The following LAIR2 variants were observed in gnomAD, a reference collection of about 807,000 sequenced individuals.
LAIR2 encodes leukocyte-associated immunoglobulin-like receptor 2.
Under a neutral mutation model 14.8 loss-of-function variants are expected in LAIR2, and 14 were observed. The observed-to-expected ratio is 0.95, with a 90% CI of 0.62 to 1.48. The LOEUF is 1.48. Ranked by LOEUF, LAIR2 falls within the 40% of genes most tolerant of loss-of-function variation. The pLI, the probability that LAIR2 is intolerant of heterozygous loss-of-function variation, is 0.00. For synonymous variants in LAIR2, 75 were observed against 74.5 expected, an observed-to-expected ratio of 1.01 and a Z score of -0.03; for missense variants, 172 against 180.9, an observed-to-expected ratio of 0.95 and a Z score of 0.28.
At position 54,502,953 on chromosome 19, in the gene LAIR2, G is replaced by A. The variant is rs756489090; in HGVS notation, c.34+1G>A. 2 of 1,613,622 alleles carry A rather than the reference G, an allele frequency of 1.2e-6. No individual in the cohort carries two copies. The highest frequency in any genetic ancestry group is 1.7e-6 in the Non-Finnish European group (2 of 1,179,768). ...CACCTCACTGCTCTCCTGGGCCTAG[G>A]TGAGTCCTGGAGGGAGCGGGAAGGA... On this transcript the variant is annotated splice_donor_variant, in intron 1 of 4. Coordinates refer to ENST00000301202, the MANE Select transcript of LAIR2 (RefSeq NM_002288.6). LOFTEE classifies it high-confidence loss of function.
intron 2 of LAIR2, among the ~76,000 whole-genome samples, chr19:54,504,601 G>A (rs2085330723): frequency 6.6e-6 from 1 of 151,898 alleles, no homozygotes; most frequent in African/African-American, 2.4e-5. Flanking sequence ...TCTGTGAGAT[G>A]ACCTTTTTTG....
In LAIR2 at chr19:54,502,909, G is replaced by C. The variant is rs2085300011; in HGVS notation, c.-10G>C. 1.2e-6 allele frequency: 2 copies of C among 1,613,970 alleles called. No individual in the cohort carries two copies. The highest frequency in any genetic ancestry group is 1.7e-5 in the Admixed American group (1 of 60,006). Reference sequence around the variant, plus strand: ...GCTTGTGTCTGCTGCAGAGTTCTGGGACCGGGGCCATGTCTCCACACCTCA... The same window carrying C: ...GCTTGTGTCTGCTGCAGAGTTCTGGCACCGGGGCCATGTCTCCACACCTCA... On this transcript the variant is annotated 5_prime_UTR_variant, in exon 1 of 5. Transcript: ENST00000301202.
chr19:54,510,584 C>G lies in LAIR2; in HGVS notation c.*15C>G, dbSNP rs1289703827. On this transcript the variant is annotated 3_prime_UTR_variant, in exon 5 of 5. Transcript: ENST00000301202. ...ATGCACCATGAATGAGGAGAAATGG[C>G]CTCCCGTCTTGTGAACTTCAATGGG... 2.5e-6 allele frequency: 4 copies of G among 1,613,624 alleles called. No individual in the cohort carries two copies. Among genetic ancestry groups the G allele is most frequent in the Non-Finnish European group, 3.4e-6 (4 of 1,179,678 alleles).
At chr19:54,504,329 G>A (rs1349922215) in intron 2 of LAIR2, among the ~76,000 whole-genome samples, 2 of 152,060 alleles carry the variant, frequency 1.3e-5, no homozygotes, top group Admixed American at 6.6e-5. Context: ...ATGTTACAAC[G>A]TATGTAAACA....
chr19:54,507,381 C>G (rs960633009), intron 2 of LAIR2, among the ~76,000 whole-genome samples: 1 of 151,818 alleles, frequency 6.6e-6, no homozygotes, highest in African/African-American at 2.4e-5. Context: ...GGGGCTTCAC[C>G]CTCACCCCAC....
At position 54,510,512 on chromosome 19, in the gene LAIR2, T is replaced by C. The variant is rs373222552; in HGVS notation, c.416-14T>C. 120 of 1,608,076 alleles carry C rather than the reference T, an allele frequency of 7.5e-5. No homozygotes were observed. The highest frequency in any genetic ancestry group is 5.0e-5 in the Admixed American group (3 of 59,956). ...TGCTCCTATTAATACTGAGGAAGTA[T>C]TTTGTCCTCACAGGGACTGTGCCAG... On this transcript the variant is annotated splice_polypyrimidine_tract_variant and intron_variant, in intron 4 of 4. Coordinates refer to ENST00000301202, the MANE Select transcript of LAIR2 (RefSeq NM_002288.6).
intron 1 of LAIR2, among the ~76,000 whole-genome samples, 184 bp from the exon 2 acceptor site, chr19:54,503,516 T>C (rs2085312354): frequency 6.6e-6 from 1 of 152,180 alleles, no homozygotes; most frequent in African/African-American, 2.4e-5. Context: ...GAGGAGACTT[T>C]GGGATTTATC....
intron 2 of LAIR2, among the ~76,000 whole-genome samples, chr19:54,505,821 A>AT (rs11311344): frequency 0.19 from 26,276 of 134,910 alleles, 2,782 homozygotes; most frequent in Non-Finnish European, 0.25. Context: ...TCACATGCTG[A>AT]TTTTTTTTTT....
In LAIR2 at chr19:54,502,867, G is replaced by A; in HGVS notation, c.-52G>A. ...AAGCCCCACGGGCAGGAGGCCCCCG[G>A]CCAGCACATCCTGTCTGCTTGTGTC... is the stretch of plus-strand genomic sequence containing the variant. On this transcript the variant is annotated 5_prime_UTR_variant, in exon 1 of 5. Transcript: ENST00000301202. 3 of 1,612,716 alleles carry A rather than the reference G, an allele frequency of 1.9e-6. No individual in the cohort carries two copies. The highest frequency in any genetic ancestry group is 2.5e-6 in the Non-Finnish European group (3 of 1,178,686).
intron 2 of LAIR2, among the ~76,000 whole-genome samples, chr19:54,506,221 C>A (rs570449262): frequency 6.6e-6 from 1 of 152,090 alleles, no homozygotes; most frequent in Non-Finnish European, 1.5e-5. Flanking sequence ...CTGCACACAG[C>A]GAGGAATGGC....
Position 54,508,003 on chromosome 19 carries a change from G to A in LAIR2, c.183G>A (p.Glu61=). ...GPVGVQTFRL[E]REDRAKYKDS... ...TTGGGGTTCAAACATTCCGCCTGGA[G>A]AGGGAGGATAGAGCCAAGTACAAAG... The change falls in exon 3 of 5, where the codon GAG becomes GAA. Residue 61 remains glutamate, a synonymous_variant. Coordinates refer to ENST00000301202, the MANE Select transcript of LAIR2 (RefSeq NM_002288.6). 6.2e-7 allele frequency: 1 copy of A among 1,614,222 alleles called. No individual in the cohort carries two copies. Among genetic ancestry groups the A allele is most frequent in the Non-Finnish European group, 8.5e-7 (1 of 1,180,044 alleles).
Position 54,508,160 on chromosome 19 carries a change from G to T in LAIR2, c.340G>T (p.Asp114Tyr). 1.2e-6 allele frequency: 2 copies of T among 1,613,102 alleles called. No homozygotes were observed. Among genetic ancestry groups the T allele is most frequent in the Non-Finnish European group, 1.7e-6 (2 of 1,179,700 alleles). ...GCCCCCTGGATGGTCTGAGCACAGT[G>T]ACTTCCTGGAGCTGCTGGTGAAAGG... is the stretch of plus-strand genomic sequence containing the variant. ...YKPPGWSEHS[D>Y]FLELLVKESS... Residue 114 changes from aspartate to tyrosine, a missense_variant, in exon 3 of 5, where the codon GAC becomes TAC. Transcript: ENST00000301202.
At chr19:54,508,231 A>C (rs1430437664) in intron 3 of LAIR2, 47 bp downstream of exon 3, 1 of 1,566,272 alleles carries the variant, frequency 6.4e-7, no homozygotes, top group East Asian at 2.2e-5. Context: ...TCGACCCTCG[A>C]GCTTGTCCCG....
Position 54,507,870 on chromosome 19 carries a change from CCTT to C in LAIR2, c.71-17_71-15del. 6.2e-7 allele frequency: 1 copy of C among 1,605,884 alleles called. No homozygotes were observed. Among genetic ancestry groups the C allele is most frequent in the South Asian group, 1.1e-5 (1 of 90,430 alleles). On this transcript the variant is annotated intron_variant, in intron 2 of 4. Transcript: ENST00000301202. ...GACTTCCTACAGTGGACGCTGAGAT[CCTT>C]CTTTGCTTCCCTCTTAGGGGCCCTT... is the stretch of plus-strand genomic sequence containing the variant.
intron 2 of LAIR2, among the ~76,000 whole-genome samples, chr19:54,505,932 C>T (rs764548024): frequency 4.6e-5 from 7 of 151,806 alleles, no homozygotes; most frequent in Non-Finnish European, 1.0e-4. Flanking sequence ...AGCAATTCTC[C>T]CTGCCTCAAC....
chr19:54,504,206 C>T lies in LAIR2; in HGVS notation c.70+471C>T, dbSNP rs1412657465. On this transcript the variant is annotated intron_variant, in intron 2 of 4. Coordinates refer to ENST00000301202, the MANE Select transcript of LAIR2 (RefSeq NM_002288.6). ...GTCTCGAACTCCTTACCTTATGATC[C>T]GCCCGCCTCAGCCTCCCACAGTGCT... 9.2e-5 allele frequency among the ~76,000 whole-genome samples: 14 copies of T among 151,632 alleles called. No individual in the cohort carries two copies. The East Asian group carries it at 2.1e-3, about 23-fold the overall frequency.
Position 54,502,858 on chromosome 19 carries a change from A to G in LAIR2, c.-61A>G. 2 of 1,606,828 alleles carry G rather than the reference A, an allele frequency of 1.2e-6. No individual in the cohort carries two copies. Among genetic ancestry groups the G allele is most frequent in the Non-Finnish European group, 1.7e-6 (2 of 1,173,370 alleles). ...TTGCTGTGGAAGCCCCACGGGCAGG[A>G]GGCCCCCGGCCAGCACATCCTGTCT... is the stretch of plus-strand genomic sequence containing the variant. On this transcript the variant is annotated 5_prime_UTR_variant, in exon 1 of 5. Coordinates refer to ENST00000301202, the MANE Select transcript of LAIR2 (RefSeq NM_002288.6).
Position 54,508,122 on chromosome 19 carries a change from G to A in LAIR2, c.302G>A (p.Cys101Tyr). ...VSEGNAGLYR[C>Y]LYYKPPGWSE... ...GAAGGAAATGCCGGGCTTTATCGCT[G>A]CCTCTATTATAAGCCCCCTGGATGG... Residue 101 changes from cysteine (C) to tyrosine (Y), a missense_variant, in exon 3 of 5, where the codon TGC becomes TAC. Cys to Tyr is a radical substitution (Grantham distance 194, BLOSUM62 -2). Around this residue, in one of 2 missense-constraint regions of LAIR2, gnomAD observed 161 missense variants for 149.0 expected, o/e 1.08. Coordinates refer to ENST00000301202, the MANE Select transcript of LAIR2 (RefSeq NM_002288.6). 4 of 1,614,162 alleles carry A rather than the reference G, an allele frequency of 2.5e-6. No individual in the cohort carries two copies. Among genetic ancestry groups the A allele is most frequent in the Non-Finnish European group, 3.4e-6 (4 of 1,180,022 alleles).
chr19:54,510,156 C>T (rs1348143899), intron 4 of LAIR2, among the ~76,000 whole-genome samples: 1 of 144,678 alleles, frequency 6.9e-6, no homozygotes, highest in Non-Finnish European at 1.5e-5. Context: ...TATTAGCCTT[C>T]TGTCTGCGGG....
Sources: gnomAD v4.1 joint callset for allele counts (sites outside exome capture counted in the v4.1 genomes callset) on GRCh38, gnomAD v4.1.1 for gene constraint, gnomAD v4.1.1 regional missense constraint, MANE v1.5 for transcripts, NCBI Gene and HGNC (gene_info 2026-07-23, HGNC 2026-07-21) for gene names.